Variants in STX18 observed in about 807,000 individuals in gnomAD.
STX18 encodes syntaxin 18.
STX18 carries 40 observed loss-of-function variants against 50.1 expected under a neutral mutation model. The ratio of observed to expected loss-of-function variants is 0.80; its 90% CI spans 0.62 to 1.04. STX18 has a LOEUF of 1.04. Ranked by LOEUF, STX18 falls within the 50% of genes least tolerant of loss-of-function variation. The pLI, the probability that STX18 is intolerant of heterozygous loss-of-function variation, is 0.00. For synonymous variants in STX18, 158 were observed against 151.8 expected, an observed-to-expected ratio of 1.04 and a Z score of -0.30; for missense variants, 410 against 415.8, an observed-to-expected ratio of 0.99 and a Z score of 0.12.
intron 7 of STX18, among the ~76,000 whole-genome samples, chr4:4,431,492 G>C (rs1008947349): frequency 5.3e-5 from 8 of 152,090 alleles, no homozygotes; most frequent in African/African-American, 7.2e-5. Flanking sequence ...GTGTACCCCA[G>C]GGTGGTGTCC....
chr4:4,447,592 C>CAAAAAAAAAAA lies in STX18; in HGVS notation c.498-9094_498-9084dup, dbSNP rs34300930. 2.6e-4 allele frequency among the ~76,000 whole-genome samples: 12 copies of CAAAAAAAAAAA among 45,906 alleles called. 2 individuals carry two copies. Among genetic ancestry groups the CAAAAAAAAAAA allele is most frequent in the East Asian group, 1.2e-3 (1 of 856 alleles). 30.1% of individuals were successfully genotyped at this position (45,906 alleles called of 152,430 possible). A position where few individuals can be genotyped will look rare whatever the true frequency, so the allele number is the denominator to read the frequency against. The stretch of plus-strand genomic sequence containing the variant: ...GGCGACAGAGCGAGACTCCGTCTCA[C>CAAAAAAAAAAA]AAAAAAAAAAAAAAAAAAAAAAAAA... On this transcript the variant is annotated intron_variant, in intron 5 of 10. Coordinates refer to ENST00000306200, the MANE Select transcript of STX18 (RefSeq NM_016930.4).
At chr4:4,540,208 A>G (rs138010046) in intron 1 of STX18, among the ~76,000 whole-genome samples, 2 of 152,360 alleles carry the variant, frequency 1.3e-5, no homozygotes, top group Non-Finnish European at 2.9e-5. Flanking sequence ...AAACTTGCTT[A>G]ATGAAATCAT....
intron 1 of STX18, among the ~76,000 whole-genome samples, chr4:4,537,887 C>G (rs1383278575): frequency 1.3e-5 from 2 of 152,160 alleles, no homozygotes; most frequent in African/African-American, 2.4e-5. Flanking sequence ...AAGAAACTCA[C>G]TGCCATTCAG....
intron 1 of STX18, among the ~76,000 whole-genome samples, chr4:4,484,144 G>A (rs1403335008): frequency 1.2e-4 from 18 of 152,088 alleles, no homozygotes; most frequent in Non-Finnish European, 2.6e-4. Flanking sequence ...TTACAGGTGT[G>A]AGCCACCGTG....
At chr4:4,505,957 A>T (rs144828618) in intron 1 of STX18, among the ~76,000 whole-genome samples, 1 of 152,326 alleles carries the variant, frequency 6.6e-6, no homozygotes, top group East Asian at 1.9e-4. Flanking sequence ...AATTTAACTT[A>T]GCATATTTTC....
chr4:4,454,777 CAGCTAA>C (rs1189504727), intron 5 of STX18, among the ~76,000 whole-genome samples: 1 of 152,196 alleles, frequency 6.6e-6, no homozygotes, highest in Non-Finnish European at 1.5e-5. Flanking sequence ...TGATGCTGGA[CAGCTAA>C]CCCAAATTTG....
In STX18 at chr4:4,465,126, T is replaced by C. The variant is rs987661183; in HGVS notation, c.237-5639A>G. Among the ~76,000 whole-genome samples the C allele has an allele frequency of 5.9e-5, 9 of 152,296 alleles. No individual in the cohort carries two copies. The South Asian group carries it at 1.0e-3, about 18-fold the overall frequency. On this transcript the variant is annotated intron_variant, in intron 2 of 10. Transcript: ENST00000306200. ...CTGCATCCCAGAGATTCTGGTAAGT[T>C]TTATCTTTGTTCTGTTGGTGGGAGC...
At chr4:4,541,634 T>A (rs908639429) in intron 1 of STX18, among the ~76,000 whole-genome samples, 163 bp downstream of exon 1, 1 of 151,574 alleles carries the variant, frequency 6.6e-6, no homozygotes, top group Non-Finnish European at 1.5e-5. Flanking sequence ...AGGCTGTTCC[T>A]TCCCCCAAAA....
At chr4:4,436,403 C>T (rs1289858062) in intron 6 of STX18, among the ~76,000 whole-genome samples, 1 of 151,762 alleles carries the variant, frequency 6.6e-6, no homozygotes, top group Non-Finnish European at 1.5e-5. Context: ...CTTTCATCTA[C>T]CCCCCACCCC....
intron 7 of STX18, among the ~76,000 whole-genome samples, chr4:4,428,430 G>A (rs1322532336): frequency 1.3e-5 from 2 of 152,134 alleles, no homozygotes; most frequent in Non-Finnish European, 2.9e-5. Flanking sequence ...CTAAAATGGG[G>A]ATAGTAACAG....
At chr4:4,471,199 AG>A (rs1407327782) in intron 2 of STX18, among the ~76,000 whole-genome samples, 7 of 152,208 alleles carry the variant, frequency 4.6e-5, no homozygotes, top group Non-Finnish European at 1.0e-4. Context: ...CGTGAGGGTA[AG>A]GACTGAAATG....
intron 1 of STX18, among the ~76,000 whole-genome samples, chr4:4,516,719 TATAA>T (rs1029714831): frequency 2.0e-5 from 3 of 152,174 alleles, no homozygotes; most frequent in Admixed American, 1.3e-4. Context: ...ATTTAATAAC[TATAA>T]ATAAATAGGA....
chr4:4,526,506 G>C lies in STX18; in HGVS notation c.168+15291C>G, dbSNP rs527773136. On this transcript the variant is annotated intron_variant, in intron 1 of 10. Coordinates refer to ENST00000306200, the MANE Select transcript of STX18 (RefSeq NM_016930.4). ...AATTCCTAAATTTTTATTTACACAA[G>C]CTGGAACAACAACAAAACGTCAAAA... is the stretch of plus-strand genomic sequence containing the variant. Among the ~76,000 whole-genome samples the C allele has an allele frequency of 3.3e-5, 5 of 152,274 alleles. No individual in the cohort carries two copies. The East Asian group carries it at 7.7e-4, about 23-fold the overall frequency.
At chr4:4,447,766 G>A (rs921231282) in intron 5 of STX18, among the ~76,000 whole-genome samples, 6 of 152,118 alleles carry the variant, frequency 3.9e-5, no homozygotes. Flanking sequence ...TGCTGCTGCT[G>A]CTATTATTAC....
chr4:4,493,017 A>G (rs1008749767), intron 1 of STX18, among the ~76,000 whole-genome samples: 1 of 152,194 alleles, frequency 6.6e-6, no homozygotes, highest in African/African-American at 2.4e-5. Context: ...TGATTCCATT[A>G]TATTTTTAAA....
Position 4,513,048 on chromosome 4 carries a change from A to C in STX18, c.168+28749T>G, listed in dbSNP as rs921099156. Among the ~76,000 whole-genome samples the C allele has an allele frequency of 2.0e-5, 3 of 152,152 alleles. No homozygotes were observed. In the South Asian group the frequency reaches 6.2e-4, roughly 32 times the overall value. ...TAATAATAATATACATATCAAACGG[A>C]CATAAGGGTATTCAATTTAGAATTT... On this transcript the variant is annotated intron_variant, in intron 1 of 10. Transcript: ENST00000306200.
chr4:4,437,609 GC>G, intron 6 of STX18: 1 of 985,208 alleles, frequency 1.0e-6, no homozygotes, highest in Non-Finnish European at 1.2e-6. Flanking sequence ...CCAGGACCAT[GC>G]CTAGCATCTG....
chr4:4,462,837 T>G (rs1727451599), intron 2 of STX18, among the ~76,000 whole-genome samples: 1 of 152,170 alleles, frequency 6.6e-6, no homozygotes, highest in African/African-American at 2.4e-5. Flanking sequence ...AACCCAATCC[T>G]CAGTCCTAGC....
intron 1 of STX18, among the ~76,000 whole-genome samples, chr4:4,517,105 G>T (rs973906377): frequency 1.3e-5 from 2 of 152,154 alleles, no homozygotes; most frequent in Admixed American, 6.5e-5. Context: ...GGGAGCTCCC[G>T]ACTGTATCAA....
Sources: gnomAD v4.1 joint callset for allele counts (sites outside exome capture counted in the v4.1 genomes callset) on GRCh38, gnomAD v4.1.1 for gene constraint, MANE v1.5 for transcripts, NCBI Gene and HGNC (gene_info 2026-07-23, HGNC 2026-07-21) for gene names.